The following AUTS2 variants were observed in gnomAD, a reference collection of about 807,000 sequenced individuals.
The protein encoded by AUTS2 is autism susceptibility gene 2 protein.
A neutral mutation model predicts 112.4 loss-of-function variants in AUTS2; 17 were observed. The observed-to-expected ratio is 0.15, with a 90% CI of 0.10 to 0.23. The LOEUF (loss-of-function observed/expected upper bound fraction) is 0.23. Among genes scored for constraint, AUTS2 ranks in the 10% least tolerant of loss-of-function variants. AUTS2 has a pLI of 1.00. For synonymous variants in AUTS2, 751 were observed against 702.7 expected (o/e 1.07, Z -1.09); for missense variants, 1,510 against 1,701.6 (o/e 0.89, Z 1.98).
intron 5 of AUTS2, chr7:70,695,136 G>C (rs1023964504): frequency 7.2e-5 from 11 of 152,438 alleles, no homozygotes; most frequent in Non-Finnish European, 1.0e-4. Flanking sequence ...TGCGGCGGCC[G>C]GGCCGGCGGG....
At chr7:69,605,642 C>G (rs1792677399) in intron 1 of AUTS2, among the ~76,000 whole-genome samples, 1 of 152,160 alleles carries the variant, frequency 6.6e-6, no homozygotes, top group African/African-American at 2.4e-5. Flanking sequence ...CTTTGGCTTG[C>G]TGTATATGAA....
chr7:70,648,504 A>G (rs1018664840), intron 5 of AUTS2, among the ~76,000 whole-genome samples: 2 of 152,232 alleles, frequency 1.3e-5, no homozygotes, highest in African/African-American at 2.4e-5. Context: ...ATCATGAAGC[A>G]CAACCTAGTA....
chr7:69,645,765 C>T lies in AUTS2; in HGVS notation c.309+45803C>T, dbSNP rs943282350. On this transcript the variant is annotated intron_variant, in intron 1 of 18. Transcript: ENST00000342771. Reference sequence around the variant, plus strand: ...GAGAGGGTTTGGAGGAGGGGAGGAGCGGAAAAAGAGACTTCCAGTCTGGGG... The same window carrying T: ...GAGAGGGTTTGGAGGAGGGGAGGAGTGGAAAAAGAGACTTCCAGTCTGGGG... 2.0e-5 allele frequency among the ~76,000 whole-genome samples: 3 copies of T among 151,370 alleles called. No individual in the cohort carries two copies. In the South Asian group the frequency reaches 6.3e-4, roughly 32 times the overall value.
At chr7:69,998,849 G>A (rs879359147) in intron 2 of AUTS2, among the ~76,000 whole-genome samples, 11 of 152,098 alleles carry the variant, frequency 7.2e-5, no homozygotes, top group Admixed American at 5.9e-4. Flanking sequence ...AGGTGGTTAG[G>A]GTAGACCTCA....
chr7:69,672,250 G>A (rs182138189), intron 1 of AUTS2, among the ~76,000 whole-genome samples: 1 of 151,852 alleles, frequency 6.6e-6, no homozygotes, highest in African/African-American at 2.4e-5. Context: ...GTAGAGACGG[G>A]GTTTCTCCAT....
chr7:70,220,636 C>T (rs1331866827), intron 4 of AUTS2, among the ~76,000 whole-genome samples: 2 of 152,062 alleles, frequency 1.3e-5, no homozygotes, highest in Non-Finnish European at 2.9e-5. Flanking sequence ...TGGCTAGCTA[C>T]GGATGCATGG....
intron 5 of AUTS2, among the ~76,000 whole-genome samples, chr7:70,573,195 G>A (rs1802022577): frequency 6.6e-6 from 1 of 152,194 alleles, no homozygotes; most frequent in Admixed American, 6.5e-5. Flanking sequence ...GTTTGTCACA[G>A]ATGTCCAGCC....
chr7:70,075,347 G>T (rs1802976088), intron 2 of AUTS2, among the ~76,000 whole-genome samples: 1 of 151,960 alleles, frequency 6.6e-6, no homozygotes, highest in Admixed American at 6.6e-5. Flanking sequence ...TCCCAGTGCA[G>T]AGTTGGCCTC....
chr7:69,885,328 T>C (rs1794227714), intron 1 of AUTS2, among the ~76,000 whole-genome samples: 1 of 152,218 alleles, frequency 6.6e-6, no homozygotes, highest in Admixed American at 6.5e-5. Context: ...CCTGCCACTT[T>C]TCACCTCTTA....
At chr7:70,492,094 C>T (rs1296156145) in intron 5 of AUTS2, among the ~76,000 whole-genome samples, 2 of 152,128 alleles carry the variant, frequency 1.3e-5, no homozygotes, top group African/African-American at 4.8e-5. Flanking sequence ...CCACCCCTCC[C>T]AGTGGAGACC....
chr7:69,895,451 T>C (rs2129539883), intron 1 of AUTS2, among the ~76,000 whole-genome samples: 1 of 152,178 alleles, frequency 6.6e-6, no homozygotes, highest in Admixed American at 6.5e-5. Flanking sequence ...TATAAACCTG[T>C]TACATAATAA....
intron 5 of AUTS2, among the ~76,000 whole-genome samples, chr7:70,609,306 T>A (rs1803946234): frequency 6.6e-6 from 1 of 152,092 alleles, no homozygotes; most frequent in South Asian, 2.1e-4. Flanking sequence ...TGAGATCATG[T>A]AGTATTTATC....
intron 1 of AUTS2, among the ~76,000 whole-genome samples, chr7:69,670,363 C>T (rs1205961937): frequency 6.6e-6 from 1 of 151,976 alleles, no homozygotes; most frequent in Admixed American, 6.6e-5. Flanking sequence ...AAATTTGTAG[C>T]AGAGGGGAAA....
chr7:70,254,733 T>A (rs1310989267), intron 4 of AUTS2, among the ~76,000 whole-genome samples: 1 of 152,246 alleles, frequency 6.6e-6, no homozygotes, highest in Non-Finnish European at 1.5e-5. Context: ...ACAAATGTTA[T>A]ATTTGTAATA....
At chr7:70,598,241 C>G (rs558139646) in intron 5 of AUTS2, among the ~76,000 whole-genome samples, 1 of 152,226 alleles carries the variant, frequency 6.6e-6, no homozygotes, top group South Asian at 2.1e-4. Context: ...TTTGTCATTG[C>G]TACCATGAAA....
intron 6 of AUTS2, among the ~76,000 whole-genome samples, chr7:70,755,581 G>A (rs1789147067): frequency 6.6e-6 from 1 of 151,874 alleles, no homozygotes; most frequent in Non-Finnish European, 1.5e-5. Flanking sequence ...AGAAGAATCA[G>A]TTGAACCTGG....
chr7:69,731,845 A>G (rs1160058903), intron 1 of AUTS2, among the ~76,000 whole-genome samples: 2 of 152,178 alleles, frequency 1.3e-5, no homozygotes, highest in African/African-American at 2.4e-5. Flanking sequence ...AGACATTCCT[A>G]TTTATTATGT....
At chr7:69,815,053 A>G (rs956950384) in intron 1 of AUTS2, among the ~76,000 whole-genome samples, 2 of 152,206 alleles carry the variant, frequency 1.3e-5, no homozygotes, top group African/African-American at 4.8e-5. Context: ...CTTTGCCATG[A>G]AGACATTTAC....
At chr7:69,995,590 G>A (rs1187430274) in intron 2 of AUTS2, among the ~76,000 whole-genome samples, 1 of 152,096 alleles carries the variant, frequency 6.6e-6, no homozygotes, top group East Asian at 1.9e-4. Flanking sequence ...TCTTTACTTT[G>A]TGTACCCAGC....
Sources: gnomAD v4.1 joint callset for allele counts (sites outside exome capture counted in the v4.1 genomes callset) on GRCh38, gnomAD v4.1.1 for gene constraint, MANE v1.5 for transcripts, NCBI Gene and HGNC (gene_info 2026-07-23, HGNC 2026-07-21) for gene names.